Variants in AKAP6 observed in about 807,000 individuals in gnomAD.
AKAP6 encodes A-kinase anchoring protein 6.
In AKAP6, 58 loss-of-function variants were observed where a neutral mutation model predicts 188.5. The observed-to-expected ratio is 0.31, with a 90% CI of 0.25 to 0.38. The LOEUF (loss-of-function observed/expected upper bound fraction) is 0.38. Among genes scored for constraint, AKAP6 ranks in the 10% least tolerant of loss-of-function variants. AKAP6 has a pLI of 1.00. For synonymous variants in AKAP6, 989 were observed against 998.6 expected (o/e 0.99, Z 0.18); for missense variants, 2,710 against 2,740.0 (o/e 0.99, Z 0.24).
Position 32,546,870 on chromosome 14 carries a change from G to A in AKAP6, c.2217G>A (p.Glu739=), listed in dbSNP as rs753534936. The A allele has an allele frequency of 1.2e-6, 2 of 1,613,924 alleles. No homozygotes were observed. The highest frequency in any genetic ancestry group is 2.7e-5 in the African/African-American group (2 of 74,882). ...CTGGCATGAAAAAGTATGCTGATGA[G>A]AAGTCAGAAAGAGCTTCATCCTCTG... The part of the protein sequence containing the change: ...PLAGMKKYAD[E]KSERASSSEK... Residue 739 remains glutamate (E), a synonymous_variant, in exon 4 of 14, where the codon GAG becomes GAA. Transcript: ENST00000280979.
intron 11 of AKAP6, among the ~76,000 whole-genome samples, chr14:32,769,037 A>AT (rs544997334): frequency 0.052 from 2,964 of 56,604 alleles, 701 homozygotes; most frequent in East Asian, 0.095. Flanking sequence ...TGCTCTTTTG[A>AT]TTTTTTTTTT....
intron 2 of AKAP6, among the ~76,000 whole-genome samples, chr14:32,477,233 A>G (rs1469679858): frequency 1.3e-5 from 2 of 152,200 alleles, no homozygotes; most frequent in East Asian, 1.9e-4. Context: ...TTTAATTTCT[A>G]CAGGGAACAT....
At chr14:32,671,861 G>A (rs1375777439) in intron 7 of AKAP6, among the ~76,000 whole-genome samples, 1 of 152,124 alleles carries the variant, frequency 6.6e-6, no homozygotes, top group Non-Finnish European at 1.5e-5. Context: ...AAGAATTCTG[G>A]GACGTGAAGT....
intron 12 of AKAP6, among the ~76,000 whole-genome samples, chr14:32,794,431 C>A (rs2140065540): frequency 6.6e-6 from 1 of 152,024 alleles, no homozygotes; most frequent in East Asian, 1.9e-4. Flanking sequence ...ATGGTGGTGC[C>A]CATCTGTAAT....
chr14:32,796,332 C>G (rs1402309157), intron 12 of AKAP6, among the ~76,000 whole-genome samples: 3 of 152,112 alleles, frequency 2.0e-5, no homozygotes, highest in Non-Finnish European at 4.4e-5. Context: ...CAATCCTAAG[C>G]AAAGGGAACA....
At chr14:32,657,591 A>G (rs1448418409) in intron 7 of AKAP6, among the ~76,000 whole-genome samples, 2 of 152,132 alleles carry the variant, frequency 1.3e-5, no homozygotes, top group Non-Finnish European at 2.9e-5. Context: ...GCACGGGCTT[A>G]CTAGAGACTT....
intron 5 of AKAP6, among the ~76,000 whole-genome samples, chr14:32,583,697 G>A (rs1885091155): frequency 6.6e-6 from 1 of 152,172 alleles, no homozygotes; most frequent in Admixed American, 6.5e-5. Flanking sequence ...CCCTCCCCCA[G>A]CCTCGCTGCT....
At chr14:32,536,025 T>G (rs1437433139) in intron 3 of AKAP6, among the ~76,000 whole-genome samples, 3 of 152,232 alleles carry the variant, frequency 2.0e-5, no homozygotes, top group Non-Finnish European at 4.4e-5. Flanking sequence ...CATATGCCAT[T>G]CATTGTTATT....
chr14:32,519,804 A>G (rs1881723556), intron 2 of AKAP6, among the ~76,000 whole-genome samples: 1 of 152,190 alleles, frequency 6.6e-6, no homozygotes, highest in Admixed American at 6.5e-5. Context: ...GAAAGTTAAC[A>G]AGGATATCCA....
intron 2 of AKAP6, among the ~76,000 whole-genome samples, chr14:32,527,233 AC>A (rs898442826): frequency 1.1e-4 from 17 of 152,314 alleles, no homozygotes; most frequent in African/African-American, 3.8e-4. Flanking sequence ...TTAGTAATAT[AC>A]ATTTAAGGTT....
chr14:32,797,925 G>A (rs868223304), intron 12 of AKAP6, among the ~76,000 whole-genome samples: 138 of 127,926 alleles, frequency 1.1e-3, no homozygotes, highest in African/African-American at 1.3e-3. Flanking sequence ...CTTCTGCACA[G>A]AAAAAAAAAA....
intron 13 of AKAP6, among the ~76,000 whole-genome samples, chr14:32,825,970 A>T (rs1257684175): frequency 1.3e-5 from 2 of 152,208 alleles, no homozygotes; most frequent in Non-Finnish European, 2.9e-5. Context: ...ATTTACATTT[A>T]TTACAAATAC....
chr14:32,601,436 C>T (rs543357770), intron 7 of AKAP6, among the ~76,000 whole-genome samples: 2 of 152,272 alleles, frequency 1.3e-5, no homozygotes, highest in East Asian at 3.9e-4. Flanking sequence ...CAAAATAACC[C>T]ATAAAACATA....
chr14:32,531,885 T>C (rs1289114725), intron 2 of AKAP6, among the ~76,000 whole-genome samples: 1 of 152,228 alleles, frequency 6.6e-6, no homozygotes, highest in Non-Finnish European at 1.5e-5. Flanking sequence ...TGTTTACACA[T>C]TGAAGGACCA....
rs2034712173 is a variant in AKAP6 at position 32,827,828 on chromosome 14, T to C, written c.*43-2020T>C. 1.3e-5 allele frequency among the ~76,000 whole-genome samples: 2 copies of C among 152,240 alleles called. 1 individual carries two copies. Among genetic ancestry groups the C allele is most frequent in the South Asian group, 4.1e-4 (2 of 4,838 alleles). On this transcript the variant is annotated intron_variant, in intron 13 of 13. Coordinates refer to ENST00000280979, the MANE Select transcript of AKAP6 (RefSeq NM_004274.5). The stretch of plus-strand genomic sequence containing the variant: ...ATCCTCATCATAAGCCTCTGATCTT[T>C]GATGAATGGTTTAACCCTAAACTTC...
intron 1 of AKAP6, among the ~76,000 whole-genome samples, chr14:32,343,106 G>A (rs1410943233): frequency 3.3e-5 from 5 of 152,180 alleles, no homozygotes; most frequent in Non-Finnish European, 7.3e-5. Flanking sequence ...TGGTAAGCTT[G>A]GGCTTGGGGC....
rs1406491243 is a variant in AKAP6, at chr14:32,831,604, C to G, written c.*1799C>G. Reference sequence around the variant, plus strand: ...CAATGTTGAACAAACAGACAAAGCCCTGCCCTCAGAAGGCTGTCCTGCATT... The same window carrying G: ...CAATGTTGAACAAACAGACAAAGCCGTGCCCTCAGAAGGCTGTCCTGCATT... On this transcript the variant is annotated 3_prime_UTR_variant, in exon 14 of 14. Coordinates refer to ENST00000280979, the MANE Select transcript of AKAP6 (RefSeq NM_004274.5). 6.6e-6 allele frequency: 1 copy of G among 152,198 alleles called. No homozygotes were observed. The highest frequency in any genetic ancestry group is 1.5e-5 in the Non-Finnish European group (1 of 68,050). The allele number at this position is 152,198 out of a possible 1,614,324, so 9.4% of individuals were successfully genotyped here.
intron 2 of AKAP6, among the ~76,000 whole-genome samples, chr14:32,453,919 A>G (rs1429446534): frequency 6.6e-6 from 1 of 152,190 alleles, no homozygotes; most frequent in East Asian, 1.9e-4. Context: ...GCCAAATTAG[A>G]AATAAAATCT....
intron 7 of AKAP6, among the ~76,000 whole-genome samples, chr14:32,622,737 G>T (rs564581353): frequency 3.0e-4 from 45 of 152,134 alleles, no homozygotes; most frequent in South Asian, 4.1e-4. Context: ...AAAGGCAGGT[G>T]GGGAGCTGTG....
Sources: gnomAD v4.1 joint callset for allele counts (sites outside exome capture counted in the v4.1 genomes callset) on GRCh38, gnomAD v4.1.1 for gene constraint, MANE v1.5 for transcripts, NCBI Gene and HGNC (gene_info 2026-07-23, HGNC 2026-07-21) for gene names.